DOT1L: variants seen among roughly 807,000 people sequenced by gnomAD.
DOT1L encodes the protein DOT1 like histone lysine methyltransferase, also known as histone-lysine N-methyltransferase, H3 lysine-79 specific.
DOT1L carries 33 observed loss-of-function variants against 153.3 expected under a neutral mutation model. That is an observed-to-expected ratio of 0.22 (90% CI 0.16 to 0.29). DOT1L has a LOEUF of 0.29. Ranked by LOEUF, DOT1L falls within the 10% of genes least tolerant of loss-of-function variation. DOT1L has a pLI of 1.00. For missense variants in DOT1L, 1,847 were observed against 2,119.9 expected (o/e 0.87, Z 2.53); for synonymous variants, 1,135 against 965.1 (o/e 1.18, Z -3.26).
intron 1 of DOT1L, among the ~76,000 whole-genome samples, chr19:2,166,794 C>CA (rs1291751557): frequency 6.6e-6 from 1 of 152,210 alleles, no homozygotes; most frequent in East Asian, 1.9e-4. Context: ...TACGTTTTGA[C>CA]AAACTCATTG....
intron 22 of DOT1L, among the ~76,000 whole-genome samples, chr19:2,219,214 GC>G (rs2024022859): frequency 6.6e-6 from 1 of 152,126 alleles, no homozygotes; most frequent in African/African-American, 2.4e-5. Flanking sequence ...TGCCCTGTTG[GC>G]CAGGGTGGTC....
At position 2,191,584 on chromosome 19, in the gene DOT1L, G is replaced by A. The variant is rs1599561748; in HGVS notation, c.493+344G>A. Among the ~76,000 whole-genome samples, 2 of 152,188 alleles carry A rather than the reference G, an allele frequency of 1.3e-5. No individual in the cohort carries two copies. Among genetic ancestry groups the A allele is most frequent in the East Asian group, 3.9e-4 (2 of 5,158 alleles). On this transcript the variant is annotated intron_variant, in intron 5 of 27. Transcript: ENST00000398665. This position sits in a 1 kb window ranked among gnomAD's most constrained non-coding sequence, Gnocchi z 6.8. ...CCCAGAAGCTGCCACTCGCTAGCCT[G>A]GGCCCCAGCCCGGGCCCCACCCACG... is the stretch of plus-strand genomic sequence containing the variant.
intron 3 of DOT1L, 62 bp from the exon 4 acceptor site, chr19:2,189,670 C>T: frequency 1.9e-6 from 3 of 1,577,164 alleles, no homozygotes; most frequent in Non-Finnish European, 2.6e-6. Context: ...ACATGCTGTC[C>T]CCTCCCATGC....
At chr19:2,228,116 T>C (rs1314048206) in intron 27 of DOT1L, 13 of 1,361,002 alleles carry the variant, frequency 9.6e-6, no homozygotes, top group East Asian at 9.2e-5. Context: ...CCACCTCTGC[T>C]GCCTCTCTGC....
intron 1 of DOT1L, among the ~76,000 whole-genome samples, chr19:2,170,289 G>A (rs896305271): frequency 3.9e-5 from 6 of 152,168 alleles, no homozygotes; most frequent in Admixed American, 1.3e-4. Flanking sequence ...GCCTTTCCAC[G>A]CTTGCCCCTG....
chr19:2,192,493 T>G (rs1020705572), intron 5 of DOT1L, among the ~76,000 whole-genome samples: 1 of 151,718 alleles, frequency 6.6e-6, no homozygotes, highest in Non-Finnish European at 1.5e-5. Flanking sequence ...GCCAACATGG[T>G]GAAACTTTCC....
At chr19:2,224,617 C>G (rs1170914882) in intron 25 of DOT1L, among the ~76,000 whole-genome samples, 1 of 152,096 alleles carries the variant, frequency 6.6e-6, no homozygotes, top group Non-Finnish European at 1.5e-5. Flanking sequence ...CAGGCACACG[C>G]TACCACCGTG....
chr19:2,222,515 C>G lies in DOT1L; in HGVS notation c.3346C>G (p.Leu1116Val), dbSNP rs2024161136. 3 of 1,572,692 alleles carry G rather than the reference C, an allele frequency of 1.9e-6. No homozygotes were observed. Among genetic ancestry groups the G allele is most frequent in the South Asian group, 1.1e-5 (1 of 87,806 alleles). ...KRRALPSVAGLFTQPSGSPLN... is the reference protein window; with the variant it reads ...KRRALPSVAGVFTQPSGSPLN... ...CCGAGCCCTGCCGTCCGTCGCTGGC[C>G]TTTTCACACAGCCTTCGGGGTCTCC... The change falls in exon 24 of 28, where the codon CTT (leucine) becomes GTT (valine). Residue 1116 changes from leucine to valine, a missense_variant. This residue lies in a region of DOT1L where 934 missense variants were observed against 825.3 expected (regional missense o/e 1.13). Coordinates refer to ENST00000398665, the MANE Select transcript of DOT1L (RefSeq NM_032482.3). This position sits in a 1 kb window ranked among gnomAD's most constrained non-coding sequence, Gnocchi z 6.5.
At chr19:2,199,038 T>C (rs547931464) in intron 7 of DOT1L, among the ~76,000 whole-genome samples, 2 of 152,338 alleles carry the variant, frequency 1.3e-5, no homozygotes, top group East Asian at 3.9e-4. Context: ...GTCCGGGCTT[T>C]TGTGTGGACA....
chr19:2,213,890 G>C lies in DOT1L; in HGVS notation c.1701G>C (p.Ala567=). The change falls in exon 18 of 28, where the codon GCG becomes GCC. Residue 567 remains alanine, a synonymous_variant. Transcript: ENST00000398665. ...TGACCTACAACGACCTGATTCAAGC[G>C]CAGAAGGAGATCTCCGCCCATAACC... ...KALTYNDLIQ[A]QKEISAHNQQ... The C allele has an allele frequency of 2.5e-6, 4 of 1,613,126 alleles. No individual in the cohort carries two copies. The highest frequency in any genetic ancestry group is 2.5e-6 in the Non-Finnish European group (3 of 1,180,040).
At chr19:2,219,951 C>G (rs2024049451) in intron 22 of DOT1L, among the ~76,000 whole-genome samples, 157 bp from the exon 23 acceptor site, 2 of 152,152 alleles carry the variant, frequency 1.3e-5, no homozygotes, top group African/African-American at 4.8e-5. Context: ...GGGCCCCGCT[C>G]AAGTTCCCCC....
chr19:2,194,403 C>G, intron 6 of DOT1L, 112 bp from the exon 7 acceptor site: 1 of 1,158,270 alleles, frequency 8.6e-7, no homozygotes, highest in Non-Finnish European at 1.3e-6. Context: ...AATCTCCTGA[C>G]CTCATGATCC....
rs867633201 is a variant in DOT1L, at chr19:2,191,974, C to T, written c.493+734C>T. ...TACACGAACAGCCTCAGTAGCCTGA[C>T]GAATTCTTGATAGGACCACCCCATC... On this transcript the variant is annotated intron_variant, in intron 5 of 27. Transcript: ENST00000398665. This position sits in a 1 kb window ranked among gnomAD's most constrained non-coding sequence, Gnocchi z 6.8. Among the ~76,000 whole-genome samples, 49 of 152,330 alleles carry T rather than the reference C, an allele frequency of 3.2e-4. No individual in the cohort carries two copies. Among genetic ancestry groups the T allele is most frequent in the Middle Eastern group, 6.8e-3 (2 of 294 alleles).
At position 2,217,413 on chromosome 19, in the gene DOT1L, A is replaced by T. The variant is rs2023948837; in HGVS notation, c.2544+323A>T. Among the ~76,000 whole-genome samples, 2 of 152,154 alleles carry T rather than the reference A, an allele frequency of 1.3e-5. No homozygotes were observed. The highest frequency in any genetic ancestry group is 6.5e-5 in the Admixed American group (1 of 15,286). The stretch of plus-strand genomic sequence containing the variant: ...TGCCCATGAGGACTTCCCCGGGGGC[A>T]CTGGCCTGTGTGCACAGGGATGGAG... On this transcript the variant is annotated intron_variant, in intron 21 of 27. Transcript: ENST00000398665. The surrounding 1 kb of genome is among the most constrained non-coding windows in gnomAD (Gnocchi z 7.3).
In DOT1L at chr19:2,197,852, C is replaced by T. The variant is rs952879212; in HGVS notation, c.652-2032C>T. ...GCCAACCCTGCTGCGGAGGGTGGGT[C>T]AGAGAGGCTTCCACCTGACTGTTCC... On this transcript the variant is annotated intron_variant, in intron 7 of 27. Coordinates refer to ENST00000398665, the MANE Select transcript of DOT1L (RefSeq NM_032482.3). This position sits in a 1 kb window ranked among gnomAD's most constrained non-coding sequence, Gnocchi z 4.1. 6.6e-6 allele frequency among the ~76,000 whole-genome samples: 1 copy of T among 152,192 alleles called. No individual in the cohort carries two copies. The highest frequency in any genetic ancestry group is 2.4e-5 in the African/African-American group (1 of 41,452).
At position 2,194,903 on chromosome 19, in the gene DOT1L, C is replaced by T. The variant is rs528169332; in HGVS notation, c.651+326C>T. 3.3e-5 allele frequency among the ~76,000 whole-genome samples: 5 copies of T among 152,266 alleles called. No homozygotes were observed. The South Asian group carries it at 8.3e-4, about 25-fold the overall frequency. On this transcript the variant is annotated intron_variant, in intron 7 of 27. Transcript: ENST00000398665. ...GACAGGCTGGGTTCTGGGCTGGCTGCGGCATCCTTGGGGTGTCATCCCTCA... is the reference window on the plus strand; with the variant it reads ...GACAGGCTGGGTTCTGGGCTGGCTGTGGCATCCTTGGGGTGTCATCCCTCA...
chr19:2,210,502 G>A lies in DOT1L; in HGVS notation c.1108G>A (p.Ala370Thr), dbSNP rs368335495. 17 of 1,594,734 alleles carry A rather than the reference G, an allele frequency of 1.1e-5. No individual in the cohort carries two copies. The highest frequency in any genetic ancestry group is 9.4e-5 in the African/African-American group (7 of 74,384). Residue 370 changes from alanine to threonine, a missense_variant, in exon 13 of 28, where the codon GCC (alanine) becomes ACC (threonine). Ala to Thr is a moderately conservative substitution (Grantham distance 58). Around this residue, in one of 8 missense-constraint regions of DOT1L, gnomAD observed 205 missense variants for 203.1 expected, o/e 1.01. Coordinates refer to ENST00000398665, the MANE Select transcript of DOT1L (RefSeq NM_032482.3). ...GGGCAAGGTGGCCGGCCCCGCCGAC[G>A]CCCCCATGGTAAGGCCCCAGCCTGG... ...PEGKVAGPAD[A>T]PMDSGAEEEK...
Position 2,216,665 on chromosome 19 carries a change from G to T in DOT1L, c.2308G>T (p.Asp770Tyr), listed in dbSNP as rs781254082. 1 of 1,604,404 alleles carries T rather than the reference G, an allele frequency of 6.2e-7. No individual in the cohort carries two copies. The highest frequency in any genetic ancestry group is 8.5e-7 in the Non-Finnish European group (1 of 1,179,896). Residue 770 changes from aspartate (D) to tyrosine (Y), a missense_variant, in exon 20 of 28, where the codon GAC becomes TAC. By Grantham distance (160) the Asp-to-Tyr change is radical. Transcript: ENST00000398665. ...GAAGCTGTCTGGCCTAGCCGCACCCGACTACACTAGGCTGTCCCCGGCCAA... is the reference window on the plus strand; with the variant it reads ...GAAGCTGTCTGGCCTAGCCGCACCCTACTACACTAGGCTGTCCCCGGCCAA... ...LEKLSGLAAPDYTRLSPAKIV... is the reference protein window; with the variant it reads ...LEKLSGLAAPYYTRLSPAKIV...
Position 2,208,890 on chromosome 19 carries a change from A to T in DOT1L, c.964-45A>T. 6.3e-7 allele frequency: 1 copy of T among 1,598,198 alleles called. No individual in the cohort carries two copies. On this transcript the variant is annotated intron_variant, in intron 11 of 27. Coordinates refer to ENST00000398665, the MANE Select transcript of DOT1L (RefSeq NM_032482.3). The surrounding 1 kb of genome is among the most constrained non-coding windows in gnomAD (Gnocchi z 4.4). The stretch of plus-strand genomic sequence containing the variant: ...TGGGTGTCCAGACAAATCCGAACAG[A>T]GATTGGGACTCCCTTCTAATCAGGG...
Sources: allele counts gnomAD v4.1 joint callset (sites outside exome capture counted in the v4.1 genomes callset), GRCh38; gene constraint gnomAD v4.1.1; regional missense constraint gnomAD v4.1.1; non-coding constraint Gnocchi (gnomAD v3.1); transcripts MANE v1.5; gene names NCBI Gene and HGNC (gene_info 2026-07-23, HGNC 2026-07-21).